Variants in MAPKAP1 observed in about 807,000 individuals in gnomAD.
MAPKAP1 encodes target of rapamycin complex 2 subunit MAPKAP1.
A neutral mutation model predicts 65.7 loss-of-function variants in MAPKAP1; 20 were observed. The observed-to-expected ratio is 0.30, with a 90% CI of 0.21 to 0.44. MAPKAP1 has a LOEUF of 0.44. Ranked by LOEUF, MAPKAP1 falls within the 20% of genes least tolerant of loss-of-function variation. MAPKAP1 has a pLI of 1.00. For missense variants in MAPKAP1, 423 were observed against 648.0 expected (o/e 0.65, Z 3.77); for synonymous variants, 222 against 244.3 (o/e 0.91, Z 0.85).
At chr9:125,571,755 C>T (rs959966015) in intron 5 of MAPKAP1, among the ~76,000 whole-genome samples, 12 of 151,978 alleles carry the variant, frequency 7.9e-5, no homozygotes, top group African/African-American at 2.4e-4. Context: ...CCCAGCTATT[C>T]GGGAGGCTGA....
intron 6 of MAPKAP1, among the ~76,000 whole-genome samples, chr9:125,554,791 T>C (rs1830687671): frequency 3.1e-5 from 2 of 65,432 alleles, no homozygotes; most frequent in Admixed American, 2.5e-4. Context: ...GCAAGACACT[T>C]ATCAAAAAAA....
chr9:125,570,724 T>C (rs1340031243), intron 5 of MAPKAP1, among the ~76,000 whole-genome samples: 4 of 152,172 alleles, frequency 2.6e-5, no homozygotes, highest in African/African-American at 9.7e-5. Context: ...CCTAAAGTAT[T>C]GAAGGATTGT....
chr9:125,494,554 C>T (rs1404131212), intron 8 of MAPKAP1, among the ~76,000 whole-genome samples: 1 of 152,192 alleles, frequency 6.6e-6, no homozygotes, highest in Admixed American at 6.5e-5. Context: ...GAAACAGTTT[C>T]AGGTTTGTAG....
rs966391091 is a variant in MAPKAP1, at chr9:125,553,641, G to T, written c.848+5992C>A. On this transcript the variant is annotated intron_variant, in intron 6 of 11. Coordinates refer to ENST00000265960, the MANE Select transcript of MAPKAP1 (RefSeq NM_001006617.3). ...CAACAAACCTACCCCATGCCCATTTGTCTATGTAGTCTACGGCTACTCACA... is the reference window on the plus strand; with the variant it reads ...CAACAAACCTACCCCATGCCCATTTTTCTATGTAGTCTACGGCTACTCACA... Among the ~76,000 whole-genome samples, 7 of 152,276 alleles carry T rather than the reference G, an allele frequency of 4.6e-5. No homozygotes were observed. In the East Asian group the frequency reaches 1.4e-3, roughly 29 times the overall value.
chr9:125,607,732 T>C (rs185049709), intron 4 of MAPKAP1, among the ~76,000 whole-genome samples: 542 of 152,344 alleles, frequency 3.6e-3, no homozygotes, highest in Non-Finnish European at 4.8e-3. Flanking sequence ...CTCGGCTCAC[T>C]GCAACCTCCG....
chr9:125,534,408 C>G lies in MAPKAP1; in HGVS notation c.958+8651G>C, dbSNP rs1379795467. Among the ~76,000 whole-genome samples, 3 of 152,208 alleles carry G rather than the reference C, an allele frequency of 2.0e-5. No homozygotes were observed. In the East Asian group the frequency reaches 5.8e-4, roughly 29 times the overall value. On this transcript the variant is annotated intron_variant, in intron 7 of 11. Transcript: ENST00000265960. ...TCTTTTGATATTAACTCCAGGAGAT[C>G]TGGCCACAGATCAAAGCTATTTCAA...
chr9:125,461,781 C>G (rs946441970), intron 10 of MAPKAP1, among the ~76,000 whole-genome samples: 2 of 152,140 alleles, frequency 1.3e-5, no homozygotes, highest in Non-Finnish European at 2.9e-5. Flanking sequence ...CACAACATAA[C>G]GTGTCCACCT....
intron 7 of MAPKAP1, among the ~76,000 whole-genome samples, chr9:125,539,472 G>A (rs1190550652): frequency 6.6e-6 from 1 of 152,146 alleles, no homozygotes; most frequent in Non-Finnish European, 1.5e-5. Context: ...CTGTGTCAAT[G>A]TTAAACATTG....
At chr9:125,593,523 G>A (rs1365596233) in intron 4 of MAPKAP1, among the ~76,000 whole-genome samples, 1 of 152,000 alleles carries the variant, frequency 6.6e-6, no homozygotes, top group Admixed American at 6.6e-5. Context: ...TTAGCCAGGT[G>A]TGGTGGCGTG....
Position 125,484,579 on chromosome 9 carries a change from T to C in MAPKAP1, c.1071A>G (p.Ser357=), listed in dbSNP as rs765173945. The change falls in exon 9 of 12, where the codon TCA becomes TCG. Residue 357 remains serine (S), a synonymous_variant. Transcript: ENST00000265960. ...CCTCCTCAAAAACCCCGTCTGCCCTTGAACCTGGGGAGGAAAAGGCAGTTT... is the reference window on the plus strand; with the variant it reads ...CCTCCTCAAAAACCCCGTCTGCCCTCGAACCTGGGGAGGAAAAGGCAGTTT... ...WEFCLVRENS[S]RADGVFEEDS... 2 of 1,608,026 alleles carry C rather than the reference T, an allele frequency of 1.2e-6. No individual in the cohort carries two copies. The highest frequency in any genetic ancestry group is 1.7e-5 in the Admixed American group (1 of 59,234).
intron 10 of MAPKAP1, among the ~76,000 whole-genome samples, chr9:125,465,785 T>A (rs1178783746): frequency 6.6e-6 from 1 of 152,128 alleles, no homozygotes; most frequent in African/African-American, 2.4e-5. Flanking sequence ...CCTAGAGGCA[T>A]GTGCAAACTC....
intron 8 of MAPKAP1, among the ~76,000 whole-genome samples, chr9:125,494,672 C>T (rs13293034): frequency 0.27 from 40,960 of 152,066 alleles, 6,679 homozygotes; most frequent in Non-Finnish European, 0.37. Context: ...TCATTCCATT[C>T]CATTTATTCA....
rs574507469 is a variant in MAPKAP1, at chr9:125,515,967, C to T, written c.959-9550G>A. Among the ~76,000 whole-genome samples, 623 of 151,718 alleles carry T rather than the reference C, an allele frequency of 4.1e-3. 2 individuals are homozygous for T. Among genetic ancestry groups the T allele is most frequent in the Middle Eastern group, 0.017 (5 of 294 alleles). On this transcript the variant is annotated intron_variant, in intron 7 of 11. Transcript: ENST00000265960. ...GAAACTGAGAAGACATTTAATTTGG[C>T]GAATGATGATGATGATTAAAGTTTA...
chr9:125,660,569 A>C (rs1305891382), intron 3 of MAPKAP1, among the ~76,000 whole-genome samples: 2 of 152,188 alleles, frequency 1.3e-5, no homozygotes, highest in East Asian at 3.8e-4. Flanking sequence ...TTTCACTTGG[A>C]TGTCCACCAG....
rs71374291 is a variant in MAPKAP1, at chr9:125,689,738, C to CAA, written c.-69-17097_-69-17096dup. Among the ~76,000 whole-genome samples, 30 of 97,112 alleles carry CAA rather than the reference C, an allele frequency of 3.1e-4. 1 individual carries two copies. Among genetic ancestry groups the CAA allele is most frequent in the Admixed American group, 4.6e-4 (4 of 8,774 alleles). 63.7% of individuals were successfully genotyped at this position (97,112 alleles called of 152,430 possible). ...TGGGCGACAGAGTGAGACTCCATCT[C>CAA]AAAAAAAAAAAAAAAGAAGAAGAAG... On this transcript the variant is annotated intron_variant, in intron 1 of 11. Transcript: ENST00000265960.
At chr9:125,545,173 A>C (rs1830384966) in intron 6 of MAPKAP1, among the ~76,000 whole-genome samples, 1 of 152,210 alleles carries the variant, frequency 6.6e-6, no homozygotes, top group Admixed American at 6.5e-5. Context: ...CAGAAGCTGG[A>C]CCGCATCCCA....
chr9:125,627,025 A>G (rs1833137905), intron 4 of MAPKAP1, among the ~76,000 whole-genome samples: 1 of 152,198 alleles, frequency 6.6e-6, no homozygotes, highest in South Asian at 2.1e-4. Flanking sequence ...TTTTTTCACC[A>G]CACAGCTAGT....
intron 10 of MAPKAP1, among the ~76,000 whole-genome samples, chr9:125,458,712 G>A (rs895173735): frequency 6.7e-6 from 1 of 148,928 alleles, no homozygotes. Flanking sequence ...ATCCTGGCCT[G>A]TTCTCAATGA....
At chr9:125,580,268 A>C (rs1831576928) in intron 5 of MAPKAP1, among the ~76,000 whole-genome samples, 2 of 152,228 alleles carry the variant, frequency 1.3e-5, no homozygotes, top group African/African-American at 4.8e-5. Flanking sequence ...TCACAATAGC[A>C]AAGACTTGGA....
Sources: allele counts gnomAD v4.1 joint callset (sites outside exome capture counted in the v4.1 genomes callset), GRCh38; gene constraint gnomAD v4.1.1; transcripts MANE v1.5; gene names NCBI Gene and HGNC (gene_info 2026-07-23, HGNC 2026-07-21).